The following TRIM9 variants were observed in gnomAD, a reference collection of about 807,000 sequenced individuals.
The protein encoded by TRIM9 is tripartite motif containing 9, also known as E3 ubiquitin-protein ligase TRIM9.
A neutral mutation model predicts 78.3 loss-of-function variants in TRIM9; 26 were observed. The ratio of observed to expected loss-of-function variants is 0.33; its 90% confidence interval spans 0.24 to 0.46. The LOEUF (loss-of-function observed/expected upper bound fraction) is 0.46, where lower values mean the gene tolerates loss of function less well. TRIM9 is among the 20% of genes least tolerant of loss of function. The pLI is 1.00. For missense variants in TRIM9, 787 were observed against 1,036.4 expected (o/e 0.76, Z 3.30); for synonymous variants, 398 against 416.5 (o/e 0.96, Z 0.54).
chr14:50,996,571 C>G, intron 7 of TRIM9: 2 of 985,448 alleles, frequency 2.0e-6, no homozygotes, highest in South Asian at 9.4e-5. Context: ...CAGGCATGCA[C>G]TTCACTCTTC....
chr14:51,018,417 G>A (rs1305044168), intron 3 of TRIM9, among the ~76,000 whole-genome samples: 11 of 149,614 alleles, frequency 7.4e-5, no homozygotes, highest in African/African-American at 2.0e-4. Context: ...TTATTTGCCT[G>A]TCATAAAACG....
At position 51,094,002 on chromosome 14, in the gene TRIM9, G is replaced by A. The variant is rs1288494190; in HGVS notation, c.822+116C>T. On this transcript the variant is annotated intron_variant, in intron 1 of 12. Coordinates refer to ENST00000684578, the MANE Select transcript of TRIM9 (RefSeq NM_001387360.1). ...CAGACCAGGGAGGTAAACATCGAAG[G>A]CACCTGCATTGCGCCCCCACTGGGA... 7 of 1,006,558 alleles carry A rather than the reference G, an allele frequency of 7.0e-6. No homozygotes were observed. In the African/African-American group the frequency reaches 9.6e-5, roughly 14 times the overall value. 62.4% of individuals were successfully genotyped at this position (1,006,558 alleles called of 1,614,324 possible).
intron 1 of TRIM9, among the ~76,000 whole-genome samples, chr14:51,062,346 C>T (rs1278491804): frequency 2.6e-5 from 4 of 152,182 alleles, no homozygotes; most frequent in Admixed American, 6.5e-5. Flanking sequence ...ATATTTTTCT[C>T]GATTTTTTTG....
rs2054864070 is a variant in TRIM9, at chr14:51,000,686, G to A, written c.1461C>T (p.Phe487=). 1.2e-6 allele frequency: 2 copies of A among 1,613,932 alleles called. No individual in the cohort carries two copies. The highest frequency in any genetic ancestry group is 2.7e-5 in the African/African-American group (2 of 74,918). ...ACGTAGTGGGCTGTCTACTGACCCG[G>A]AATTGACCACCGTTGCCATCATCCA... ...LELDDGNGGQ[F]REVYVGKETM... Residue 487 remains phenylalanine (F), a synonymous_variant, in exon 6 of 13, where the codon TTC becomes TTT. Coordinates refer to ENST00000684578, the MANE Select transcript of TRIM9 (RefSeq NM_001387360.1).
At chr14:51,063,758 G>T (rs372834409) in intron 1 of TRIM9, among the ~76,000 whole-genome samples, 2 of 151,896 alleles carry the variant, frequency 1.3e-5, no homozygotes, top group African/African-American at 4.8e-5. Context: ...AAAAATTAAC[G>T]GAAAAGAAAG....
In TRIM9 at chr14:50,983,346, G is replaced by A. The variant is rs996923530; in HGVS notation, c.1834+34C>T. ...GAAGGAAATTGAGCACACCAATCAC[G>A]TAAGTAAAAGATAATTACAATAGGT... is the stretch of plus-strand genomic sequence containing the variant. On this transcript the variant is annotated intron_variant, in intron 9 of 12. Coordinates refer to ENST00000684578, the MANE Select transcript of TRIM9 (RefSeq NM_001387360.1). The A allele has an allele frequency of 4.0e-6, 6 of 1,501,158 alleles. No individual in the cohort carries two copies. In the African/African-American group the frequency reaches 4.2e-5, roughly 10 times the overall value. The allele number at this position is 1,501,158 out of a possible 1,614,324, so 93.0% of individuals were successfully genotyped here. A position where few individuals can be genotyped will look rare whatever the true frequency, so the allele number is the denominator to read the frequency against.
At chr14:50,980,644 G>A (rs1459863725) in intron 11 of TRIM9, among the ~76,000 whole-genome samples, 4 of 152,190 alleles carry the variant, frequency 2.6e-5, no homozygotes, top group African/African-American at 4.8e-5. Flanking sequence ...AAACAAAGAC[G>A]CTAAAAGGGA....
intron 1 of TRIM9, among the ~76,000 whole-genome samples, chr14:51,068,912 T>C (rs2061976806): frequency 6.6e-6 from 1 of 152,168 alleles, no homozygotes; most frequent in African/African-American, 2.4e-5. Flanking sequence ...TGAAAGAGGG[T>C]TGGGATGGAA....
chr14:51,036,609 C>T (rs533200350), intron 1 of TRIM9, among the ~76,000 whole-genome samples: 65 of 152,234 alleles, frequency 4.3e-4, no homozygotes, highest in African/African-American at 1.5e-3. Context: ...AATTGTTACA[C>T]TATACTATTT....
intron 1 of TRIM9, among the ~76,000 whole-genome samples, chr14:51,076,779 G>T (rs1406519029): frequency 6.6e-6 from 1 of 152,204 alleles, no homozygotes; most frequent in Non-Finnish European, 1.5e-5. Flanking sequence ...AAAGCACAGA[G>T]AGGTCAAATA....
chr14:51,026,446 A>G (rs2058237999), intron 1 of TRIM9, among the ~76,000 whole-genome samples: 1 of 152,076 alleles, frequency 6.6e-6, no homozygotes, highest in Admixed American at 6.5e-5. Flanking sequence ...ATCAAGTATC[A>G]CTGTACTTGA....
intron 7 of TRIM9, chr14:50,997,318 G>A: frequency 1.0e-6 from 1 of 985,328 alleles, no homozygotes; most frequent in Non-Finnish European, 1.2e-6. Context: ...TTAAAGTATA[G>A]CTAAGAAGCA....
chr14:51,052,553 T>C (rs1355530939), intron 1 of TRIM9, among the ~76,000 whole-genome samples: 1 of 152,228 alleles, frequency 6.6e-6, no homozygotes, highest in African/African-American at 2.4e-5. Flanking sequence ...ACAGTGATCC[T>C]GATTGCCTGA....
intron 1 of TRIM9, among the ~76,000 whole-genome samples, chr14:51,071,737 T>G (rs1596310154): frequency 6.6e-6 from 1 of 151,876 alleles, no homozygotes; most frequent in African/African-American, 2.4e-5. Flanking sequence ...GAGTGGGAGG[T>G]CAAGGCTGCA....
rs1434937770 is a variant in TRIM9 at position 50,979,260 on chromosome 14, T to C, written c.2325+127A>G. ...GTGCTGATCCCTTTCTCTCCTCCTC[T>C]CCTTCATATCTTGGTCTGGGCCTTA... On this transcript the variant is annotated intron_variant, in intron 12 of 12. Coordinates refer to ENST00000684578, the MANE Select transcript of TRIM9 (RefSeq NM_001387360.1). 2.6e-6 allele frequency: 4 copies of C among 1,547,408 alleles called. No homozygotes were observed. In the South Asian group the frequency reaches 4.7e-5, roughly 18 times the overall value.
chr14:50,998,110 C>A lies in TRIM9; in HGVS notation c.1543G>T (p.Ala515Ser). 1 of 1,614,190 alleles carries A rather than the reference C, an allele frequency of 6.2e-7. No individual in the cohort carries two copies. The highest frequency in any genetic ancestry group is 8.5e-7 in the Non-Finnish European group (1 of 1,180,028). The change falls in exon 7 of 13, where the codon GCC (alanine) becomes TCC (serine). Residue 515 changes from alanine to serine, a missense_variant. Ala to Ser is a moderately conservative substitution (Grantham distance 99). Coordinates refer to ENST00000684578, the MANE Select transcript of TRIM9 (RefSeq NM_001387360.1). ...GGGCTGACTCCTGTTTTGTTGAAGG[C>A]CTTGACCCGAGCGTTGTATGTGCTG... ...FNSTYNARVK[A>S]FNKTGVSPYS...
chr14:51,047,628 A>T (rs1028236109), intron 1 of TRIM9, among the ~76,000 whole-genome samples: 7 of 151,778 alleles, frequency 4.6e-5, no homozygotes, highest in Admixed American at 1.3e-4. Flanking sequence ...TACAAAGGTA[A>T]GTAGGATAAG....
intron 10 of TRIM9, chr14:50,982,588 C>T (rs2052101101): frequency 3.0e-6 from 1 of 336,956 alleles, no homozygotes; most frequent in Admixed American, 4.3e-5. Flanking sequence ...TTGAAGTCTT[C>T]CTCGGCTCTA....
At chr14:51,042,933 T>G (rs1320677241) in intron 1 of TRIM9, among the ~76,000 whole-genome samples, 1 of 152,216 alleles carries the variant, frequency 6.6e-6, no homozygotes, top group African/African-American at 2.4e-5. Context: ...GGTATGTAAA[T>G]ATATACATAT....
Sources: allele counts gnomAD v4.1 joint callset (sites outside exome capture counted in the v4.1 genomes callset), GRCh38; gene constraint gnomAD v4.1.1; transcripts MANE v1.5; gene names NCBI Gene and HGNC (gene_info 2026-07-23, HGNC 2026-07-21).